POLE: variants seen among roughly 807,000 people sequenced by gnomAD.
The protein encoded by POLE is DNA polymerase epsilon catalytic subunit A.
A neutral mutation model predicts 279.2 loss-of-function variants in POLE; 188 were observed. The ratio of observed to expected loss-of-function variants is 0.67; its 90% CI spans 0.60 to 0.76. POLE has a LOEUF of 0.76. POLE is among the 30% of genes least tolerant of loss of function. The pLI, the probability that POLE is intolerant of heterozygous loss-of-function variation, is 0.00. For synonymous variants in POLE, 1,214 were observed against 1,172.5 expected, an observed-to-expected ratio of 1.04 and a Z score of -0.72; for missense variants, 2,703 against 3,016.7, an observed-to-expected ratio of 0.90 and a Z score of 2.44.
intron 16 of POLE, among the ~76,000 whole-genome samples, chr12:132,670,411 A>AT (rs1168775271): frequency 1.4e-5 from 2 of 148,016 alleles, no homozygotes; most frequent in African/African-American, 2.5e-5. Flanking sequence ...CGCCTGGGTA[A>AT]TTTTTTTTTG....
intron 15 of POLE, 139 bp downstream of exon 15, chr12:132,672,488 G>T: frequency 9.3e-7 from 1 of 1,077,784 alleles, no homozygotes; most frequent in South Asian, 1.4e-5. Flanking sequence ...CCCGGGGGGT[G>T]CTGGGCCAGA....
chr12:132,647,066 C>A (rs945313363), intron 32 of POLE, among the ~76,000 whole-genome samples: 1 of 152,076 alleles, frequency 6.6e-6, no homozygotes, highest in African/African-American at 2.4e-5. Context: ...CTTACTTAGT[C>A]ATTTCACTTA....
chr12:132,631,818 AC>A (rs1173572894), intron 45 of POLE, among the ~76,000 whole-genome samples: 1 of 151,106 alleles, frequency 6.6e-6, no homozygotes, highest in African/African-American at 2.4e-5. Context: ...CACCAAGCTC[AC>A]CCCCCAGGGC....
At chr12:132,625,580 C>T (rs773560059) in intron 47 of POLE, 65 bp downstream of exon 47, 43 of 1,591,546 alleles carry the variant, frequency 2.7e-5, no homozygotes, top group Non-Finnish European at 3.5e-5. Flanking sequence ...CCCCGGCTCC[C>T]GGGAGTGCAC....
intron 32 of POLE, among the ~76,000 whole-genome samples, chr12:132,646,776 G>A (rs2042293510): frequency 6.8e-6 from 1 of 147,878 alleles, no homozygotes; most frequent in Non-Finnish European, 1.5e-5. Flanking sequence ...AGGTTGCGGT[G>A]AGCCGAGATG....
Position 132,642,720 on chromosome 12 carries a change from G to C in POLE, c.4738C>G (p.Arg1580Gly), listed in dbSNP as rs192908615. 2 of 1,613,464 alleles carry C rather than the reference G, an allele frequency of 1.2e-6. No homozygotes were observed. Among genetic ancestry groups the C allele is most frequent in the Non-Finnish European group, 1.7e-6 (2 of 1,179,694 alleles). Residue 1580 changes from arginine to glycine, a missense_variant, in exon 37 of 49, where the codon CGG becomes GGG. Arg to Gly is a moderately radical substitution (Grantham distance 125). Around this residue, in one of 5 missense-constraint regions of POLE, gnomAD observed 1,551 missense variants for 1,686.1 expected, o/e 0.92. Transcript: ENST00000320574. The stretch of plus-strand genomic sequence containing the variant: ...TGAACAGCGATGAGTGTGGGCCCCC[G>C]GCGCTCCTCCTGGGTCAAGGCAAAA... Reference protein sequence around the residue: ...RFLLAYKEERRGPTLIAVQSS... With the variant: ...RFLLAYKEERGGPTLIAVQSS...
intron 45 of POLE, among the ~76,000 whole-genome samples, chr12:132,628,154 T>C (rs111454116): frequency 0.023 from 3,487 of 151,240 alleles, 58 homozygotes; most frequent in Non-Finnish European, 0.037. Context: ...CCATCCTGGC[T>C]AACATGGTGA....
intron 45 of POLE, among the ~76,000 whole-genome samples, chr12:132,628,685 C>A (rs898036943): frequency 1.3e-4 from 17 of 129,194 alleles, no homozygotes; most frequent in Admixed American, 1.6e-4. Flanking sequence ...CAAAACAAAA[C>A]AAAAAACTAC....
At chr12:132,631,510 C>T (rs752372941) in intron 45 of POLE, among the ~76,000 whole-genome samples, 2 of 152,174 alleles carry the variant, frequency 1.3e-5, no homozygotes, top group South Asian at 2.1e-4. Context: ...CACAACCAGA[C>T]CTTGAGGCTG....
chr12:132,634,050 G>T lies in POLE; in HGVS notation c.6004+136C>A. 1.3e-6 allele frequency: 1 copy of T among 784,420 alleles called. No homozygotes were observed. Among genetic ancestry groups the T allele is most frequent in the Non-Finnish European group, 2.1e-6 (1 of 483,322 alleles). 48.6% of individuals were successfully genotyped at this position (784,420 alleles called of 1,614,324 possible). On this transcript the variant is annotated intron_variant, in intron 43 of 48. Transcript: ENST00000320574. This position sits in a 1 kb window ranked among gnomAD's most constrained non-coding sequence, Gnocchi z 4.0. Reference sequence around the variant, plus strand: ...GAGAGGAGGCCCCTCGGCTCACAAAGTCCCAACTGCTGGGCAGGCTCCGCC... The same window carrying T: ...GAGAGGAGGCCCCTCGGCTCACAAATTCCCAACTGCTGGGCAGGCTCCGCC...
In POLE at chr12:132,672,316, C is replaced by A. The variant is rs747247890; in HGVS notation, c.1693G>T (p.Ala565Ser). ...CGCTGCAGCAGGAAGTCAAAGGCGG[C>A]AGGATTCTAGCACAACAGTGAGACG... Reference protein sequence around the residue: ...DIPCRFRMNPAAFDFLLQRVE... With the variant: ...DIPCRFRMNPSAFDFLLQRVE... The change falls in exon 16 of 49, where the codon GCC becomes TCC. Residue 565 changes from alanine (A) to serine (S), a missense_variant. By Grantham distance (99) the Ala-to-Ser change is moderately conservative (BLOSUM62 1). Transcript: ENST00000320574. 1.9e-6 allele frequency: 3 copies of A among 1,613,806 alleles called. No individual in the cohort carries two copies.
rs775590365 is a variant in POLE, at chr12:132,642,566, C to A, written c.4892G>T (p.Arg1631Leu). 6 of 1,613,552 alleles carry A rather than the reference C, an allele frequency of 3.7e-6. No homozygotes were observed. The highest frequency in any genetic ancestry group is 5.1e-6 in the Non-Finnish European group (6 of 1,180,030). Residue 1631 changes from arginine to leucine, a missense_variant, in exon 37 of 49, where the codon CGC (arginine) becomes CTC (leucine). Arg to Leu is a moderately radical substitution (Grantham distance 102). Coordinates refer to ENST00000320574, the MANE Select transcript of POLE (RefSeq NM_006231.4). ...VLDWQRHGAR[R>L]MIRHYLNLDT... ...CAGGTTGAGGTAGTGACGGATCATG[C>A]GCCGGGCTCCATGGCGCTGCCAGTC...
intron 27 of POLE, among the ~76,000 whole-genome samples, chr12:132,657,648 T>C (rs2042575464): frequency 6.6e-6 from 1 of 152,236 alleles, no homozygotes; most frequent in East Asian, 1.9e-4. Flanking sequence ...CCAACACCCC[T>C]GGCCTTAGTC....
At chr12:132,670,625 G>T (rs1185496837) in intron 16 of POLE, among the ~76,000 whole-genome samples, 1 of 148,254 alleles carries the variant, frequency 6.7e-6, no homozygotes, top group South Asian at 2.2e-4. Flanking sequence ...CGAGTAGCTG[G>T]GACTACAGGT....
chr12:132,632,474 A>T lies in POLE; in HGVS notation c.6171T>A (p.Asn2057Lys), dbSNP rs2041952899. Residue 2057 changes from asparagine (N) to lysine (K), a missense_variant, in exon 45 of 49, where the codon AAT becomes AAA. Physicochemically the swap from Asn to Lys is moderately conservative, Grantham distance 94 (BLOSUM62 0). Around this residue, in one of 5 missense-constraint regions of POLE, gnomAD observed 1,551 missense variants for 1,686.1 expected, o/e 0.92. Coordinates refer to ENST00000320574, the MANE Select transcript of POLE (RefSeq NM_006231.4). ...TGGTGAAGAAGCTCTGAGTGAGCTCATTTGCGACATAATCCTGAGAGAAGG... is the reference window on the plus strand; with the variant it reads ...TGGTGAAGAAGCTCTGAGTGAGCTCTTTTGCGACATAATCCTGAGAGAAGG... The part of the protein sequence containing the change: ...MITFSQDYVA[N>K]ELTQSFFTIT... 3 of 1,614,148 alleles carry T rather than the reference A, an allele frequency of 1.9e-6. No individual in the cohort carries two copies. The highest frequency in any genetic ancestry group is 2.5e-6 in the Non-Finnish European group (3 of 1,179,988).
chr12:132,642,755 A>G (rs1262944639), intron 36 of POLE, 26 bp from the exon 37 acceptor site: 1 of 1,613,354 alleles, frequency 6.2e-7, no homozygotes, highest in South Asian at 1.1e-5. Flanking sequence ...ATGGAAGAAA[A>G]GACCTGGGTG....
rs2138528175 is a variant in POLE at position 132,642,090 on chromosome 12, T to A, written c.5173+87A>T. 3 of 1,241,290 alleles carry A rather than the reference T, an allele frequency of 2.4e-6. 1 individual carries two copies. The highest frequency in any genetic ancestry group is 2.9e-5 in the South Asian group (2 of 70,110). The allele number at this position is 1,241,290 out of a possible 1,614,324, so 76.9% of individuals were successfully genotyped here. A position where few individuals can be genotyped will look rare whatever the true frequency, so the allele number is the denominator to read the frequency against. On this transcript the variant is annotated intron_variant, in intron 38 of 48. Coordinates refer to ENST00000320574, the MANE Select transcript of POLE (RefSeq NM_006231.4). The stretch of plus-strand genomic sequence containing the variant: ...CCTGCGCGGTCGAACTCTGAGCCCA[T>A]CCTCGGCACTATTGCCTTGAGAAGA...
rs747067233 is a variant in POLE at position 132,634,671 on chromosome 12, CG to C, written c.5812-294del. On this transcript the variant is annotated intron_variant, in intron 42 of 48. Coordinates refer to ENST00000320574, the MANE Select transcript of POLE (RefSeq NM_006231.4). The surrounding 1 kb of genome is among the most constrained non-coding windows in gnomAD (Gnocchi z 4.0). ...TTGTTGAACTCCCACCCCCCAAGGA[CG>C]AAAGAACCAGCCAGAGCTTCCCGGT... 1.3e-5 allele frequency among the ~76,000 whole-genome samples: 2 copies of C among 152,150 alleles called. No individual in the cohort carries two copies. Among genetic ancestry groups the C allele is most frequent in the Non-Finnish European group, 2.9e-5 (2 of 68,024 alleles).
chr12:132,649,136 C>T (rs2042356539), intron 31 of POLE, 64 bp from the exon 32 acceptor site: 7 of 1,569,872 alleles, frequency 4.5e-6, no homozygotes, highest in Non-Finnish European at 8.7e-7. Flanking sequence ...ACGGGGCCAC[C>T]TTCCAGGTAG....
Sources: gnomAD v4.1 joint callset for allele counts (sites outside exome capture counted in the v4.1 genomes callset) on GRCh38, gnomAD v4.1.1 for gene constraint, gnomAD v4.1.1 regional missense constraint, Gnocchi (gnomAD v3.1) non-coding constraint, MANE v1.5 for transcripts, NCBI Gene and HGNC (gene_info 2026-07-23, HGNC 2026-07-21) for gene names.